Variants in ZMYM2 observed in about 807,000 individuals in gnomAD.
ZMYM2 encodes the protein zinc finger MYM-type protein 2.
ZMYM2 carries 56 observed loss-of-function variants against 162.8 expected under a neutral mutation model. The observed-to-expected ratio is 0.34, with a 90% CI of 0.28 to 0.43. ZMYM2 has a LOEUF of 0.43. Among genes scored for constraint, ZMYM2 ranks in the 20% least tolerant of loss-of-function variants. ZMYM2 has a pLI of 1.00. For missense variants in ZMYM2, 1,275 were observed against 1,621.8 expected (o/e 0.79, Z 3.67); for synonymous variants, 510 against 541.6 (o/e 0.94, Z 0.81).
chr13:19,965,297 T>A, intron 2 of ZMYM2: 1 of 1,289,576 alleles, frequency 7.8e-7, no homozygotes, highest in Non-Finnish European at 1.0e-6. Context: ...AATTGACAAC[T>A]AAATTTTTGG....
chr13:19,884,845 G>C, the ZMYM2 span, among the ~76,000 whole-genome samples: 15 of 152,152 alleles, frequency 9.9e-5, no homozygotes, highest in South Asian at 2.1e-4. Flanking sequence ...AAGAAAACCT[G>C]AGCACATCAC....
At chr13:19,876,643 G>T in the ZMYM2 span, among the ~76,000 whole-genome samples, 1 of 152,104 alleles carries the variant, frequency 6.6e-6, no homozygotes, top group Admixed American at 6.6e-5. Flanking sequence ...CAAAAAGTAT[G>T]ATAAAATACA....
At chr13:19,900,432 G>A in the ZMYM2 span, among the ~76,000 whole-genome samples, 1 of 152,146 alleles carries the variant, frequency 6.6e-6, no homozygotes, top group South Asian at 2.1e-4. Flanking sequence ...TACTAGGAAG[G>A]AGATTGAATC....
At chr13:20,067,138 A>G (rs543856462) in intron 20 of ZMYM2, 101 bp from the exon 21 acceptor site, 31 of 1,383,934 alleles carry the variant, frequency 2.2e-5, no homozygotes, top group Non-Finnish European at 3.0e-5. Context: ...AATGCATTTT[A>G]TTTTACTTCA....
At chr13:19,970,103 C>G in intron 2 of ZMYM2, 4 of 979,046 alleles carry the variant, frequency 4.1e-6, no homozygotes, top group Non-Finnish European at 3.6e-6. Context: ...TCTACTCCAT[C>G]TGTTTAAACA....
chr13:19,977,302 T>C (rs191099778), intron 2 of ZMYM2, among the ~76,000 whole-genome samples: 25 of 152,250 alleles, frequency 1.6e-4, no homozygotes, highest in African/African-American at 5.5e-4. Context: ...ATTACAGGCA[T>C]GAACCATGGT....
chr13:20,013,731 A>G (rs1264913547), intron 6 of ZMYM2, among the ~76,000 whole-genome samples: 2 of 152,112 alleles, frequency 1.3e-5, no homozygotes, highest in Non-Finnish European at 2.9e-5. Context: ...GGTACGTTAC[A>G]TGGATTGATT....
At chr13:19,937,563 A>G in the ZMYM2 span, among the ~76,000 whole-genome samples, 1 of 149,356 alleles carries the variant, frequency 6.7e-6, no homozygotes, top group Admixed American at 6.7e-5. Context: ...TCCTGAGTTC[A>G]AGTGATTCTC....
chr13:19,900,041 C>T, the ZMYM2 span, among the ~76,000 whole-genome samples: 1 of 152,038 alleles, frequency 6.6e-6, no homozygotes, highest in Non-Finnish European at 1.5e-5. Flanking sequence ...TGAGATGGCT[C>T]ACACCTGTAA....
chr13:20,019,177 A>G (rs1951869883), intron 6 of ZMYM2, among the ~76,000 whole-genome samples: 1 of 152,112 alleles, frequency 6.6e-6, no homozygotes, highest in African/African-American at 2.4e-5. Context: ...CAAATGACTT[A>G]ATTTAGAAAG....
chr13:19,928,080 G>A, the ZMYM2 span, among the ~76,000 whole-genome samples: 6 of 152,050 alleles, frequency 3.9e-5, no homozygotes, highest in Admixed American at 2.6e-4. Flanking sequence ...ATCATGGCTC[G>A]CTGCAGCCTC....
chr13:20,012,748 G>A (rs1951308235), intron 6 of ZMYM2, among the ~76,000 whole-genome samples: 1 of 152,154 alleles, frequency 6.6e-6, no homozygotes, highest in South Asian at 2.1e-4. Context: ...TTCTTTCTCT[G>A]TGGAATGGAC....
chr13:20,064,405 C>A, intron 18 of ZMYM2, 46 bp from the exon 19 acceptor site: 1 of 1,502,388 alleles, frequency 6.7e-7, no homozygotes, highest in East Asian at 2.5e-5. Context: ...GTTTATGTAA[C>A]CCTGTGCTAT....
At chr13:19,883,611 A>C in the ZMYM2 span, among the ~76,000 whole-genome samples, 1 of 152,308 alleles carries the variant, frequency 6.6e-6, no homozygotes, top group South Asian at 2.1e-4. Context: ...TTTGGGTTAA[A>C]ACCAGCTTTA....
the ZMYM2 span, among the ~76,000 whole-genome samples, chr13:19,932,670 G>C: frequency 1.3e-5 from 2 of 151,772 alleles, no homozygotes; most frequent in Non-Finnish European, 2.9e-5. Context: ...ATAGACACCA[G>C]AGAGCTTGCT....
At chr13:19,989,136 T>C (rs1229364236) in intron 2 of ZMYM2, among the ~76,000 whole-genome samples, 1 of 152,212 alleles carries the variant, frequency 6.6e-6, no homozygotes, top group East Asian at 1.9e-4. Flanking sequence ...CAAATATATA[T>C]ACTTCAGGGA....
chr13:19,942,675 A>G, the ZMYM2 span, among the ~76,000 whole-genome samples: 1 of 152,060 alleles, frequency 6.6e-6, no homozygotes, highest in African/African-American at 2.4e-5. Flanking sequence ...CTGCCACTGC[A>G]TCCCAGCCTG....
intron 21 of ZMYM2, among the ~76,000 whole-genome samples, chr13:20,075,699 T>TTTTTA (rs1274606253): frequency 1.0e-4 from 5 of 49,684 alleles, no homozygotes; most frequent in African/African-American, 3.1e-4. Context: ...TTTTTTTTTT[T>TTTTTA]TTTGGAGACA....
At chr13:19,884,599 T>C in the ZMYM2 span, among the ~76,000 whole-genome samples, 15 of 151,946 alleles carry the variant, frequency 9.9e-5, no homozygotes, top group African/African-American at 3.4e-4. Flanking sequence ...GCCGTGGTCC[T>C]CACGGTGAGT....
Sources: gnomAD v4.1 joint callset for allele counts (sites outside exome capture counted in the v4.1 genomes callset) on GRCh38, gnomAD v4.1.1 for gene constraint, MANE v1.5 for transcripts, NCBI Gene and HGNC (gene_info 2026-07-23, HGNC 2026-07-21) for gene names.